ALG14: variants seen among roughly 807,000 people sequenced by gnomAD.
The protein encoded by ALG14 is UDP-N-acetylglucosamine transferase subunit ALG14.
In ALG14, 17 loss-of-function variants were observed where a neutral mutation model predicts 22.8. The observed-to-expected ratio is 0.75, with a 90% CI of 0.51 to 1.12. ALG14 has a LOEUF of 1.12. Ranked by LOEUF, ALG14 falls within the 50% of genes most tolerant of loss-of-function variation. ALG14 has a pLI of 0.00. For synonymous variants in ALG14, 89 were observed against 103.7 expected, an observed-to-expected ratio of 0.86 and a Z score of 0.86; for missense variants, 288 against 271.8, an observed-to-expected ratio of 1.06 and a Z score of -0.42.
At position 95,039,780 on chromosome 1, in the gene ALG14, C is replaced by A. The variant is rs1421034954; in HGVS notation, c.289-12520G>T. ...ACTGGGAATCTAGGAAGATAATATTCAGGAATCTGGATGCTGGACTGATGC... is the reference window on the plus strand; with the variant it reads ...ACTGGGAATCTAGGAAGATAATATTAAGGAATCTGGATGCTGGACTGATGC... On this transcript the variant is annotated intron_variant, in intron 2 of 3. Coordinates refer to ENST00000370205, the MANE Select transcript of ALG14 (RefSeq NM_144988.4). Among the ~76,000 whole-genome samples the A allele has an allele frequency of 6.6e-5, 10 of 152,148 alleles. No homozygotes were observed. The South Asian group carries it at 1.7e-3, about 25-fold the overall frequency.
At chr1:95,067,881 C>G (rs1211269245) in intron 1 of ALG14, among the ~76,000 whole-genome samples, 1 of 152,186 alleles carries the variant, frequency 6.6e-6, no homozygotes, top group African/African-American at 2.4e-5. Flanking sequence ...ACTATGTTCC[C>G]TCTTGGAGCT....
intron 1 of ALG14, among the ~76,000 whole-genome samples, chr1:95,068,766 C>T (rs1675463063): frequency 6.6e-6 from 1 of 152,160 alleles, no homozygotes; most frequent in African/African-American, 2.4e-5. Flanking sequence ...CCTTCCTACC[C>T]TCAATAATCT....
intron 3 of ALG14, among the ~76,000 whole-genome samples, chr1:95,013,928 T>TCA (rs1673436801): frequency 9.6e-6 from 1 of 104,448 alleles, no homozygotes; most frequent in African/African-American, 5.2e-5. Flanking sequence ...CACTTTTTTC[T>TCA]TAAAAAAAAA....
intron 3 of ALG14, among the ~76,000 whole-genome samples, chr1:94,998,827 G>C (rs1371389415): frequency 6.6e-6 from 1 of 152,166 alleles, no homozygotes. Context: ...TAGTGGTACT[G>C]GCATTTTACC....
At chr1:94,993,546 T>C (rs916553770) in intron 3 of ALG14, among the ~76,000 whole-genome samples, 1 of 151,844 alleles carries the variant, frequency 6.6e-6, no homozygotes, top group African/African-American at 2.4e-5. Flanking sequence ...CCACCAACGG[T>C]GGATGCCTAA....
In ALG14 at chr1:94,979,023, C is replaced by T. The variant is rs1672448185; in HGVS notation, c.*4053G>A. The T allele has an allele frequency of 6.6e-6, 1 of 151,908 alleles. No individual in the cohort carries two copies. The highest frequency in any genetic ancestry group is 2.4e-5 in the African/African-American group (1 of 41,360). 9.4% of individuals were successfully genotyped at this position (151,908 alleles called of 1,614,324 possible). A position where few individuals can be genotyped will look rare whatever the true frequency, so the allele number is the denominator to read the frequency against. ...ACAAGGGCCGGACGTGTGGCTTACACCTGTAATTCCAGCACTTTGGGAGGC... is the reference window on the plus strand; with the variant it reads ...ACAAGGGCCGGACGTGTGGCTTACATCTGTAATTCCAGCACTTTGGGAGGC... On this transcript the variant is annotated 3_prime_UTR_variant, in exon 4 of 4. Coordinates refer to ENST00000370205, the MANE Select transcript of ALG14 (RefSeq NM_144988.4).
At chr1:95,001,606 G>A (rs995975150) in intron 3 of ALG14, among the ~76,000 whole-genome samples, 7 of 152,034 alleles carry the variant, frequency 4.6e-5, no homozygotes, top group Admixed American at 2.0e-4. Context: ...AGCAATTCTC[G>A]TGTCTCAGCC....
intron 3 of ALG14, among the ~76,000 whole-genome samples, chr1:94,986,350 A>G (rs941341870): frequency 1.3e-5 from 2 of 152,256 alleles, no homozygotes; most frequent in African/African-American, 4.8e-5. Context: ...GAAAGGAAGA[A>G]GCAAGGGAGT....
chr1:95,013,880 C>T (rs1673435732), intron 3 of ALG14, among the ~76,000 whole-genome samples: 1 of 150,974 alleles, frequency 6.6e-6, no homozygotes, highest in African/African-American at 2.4e-5. Flanking sequence ...TATTTTTAGT[C>T]ATGGGTTATT....
chr1:95,033,693 C>T (rs1483594603), intron 2 of ALG14, among the ~76,000 whole-genome samples: 14 of 152,028 alleles, frequency 9.2e-5, no homozygotes, highest in Admixed American at 9.2e-4. Flanking sequence ...AGGCTGCCCC[C>T]ATGTTTCCTT....
chr1:95,011,575 G>C (rs772869969), intron 3 of ALG14, among the ~76,000 whole-genome samples: 2 of 151,908 alleles, frequency 1.3e-5, no homozygotes, highest in Non-Finnish European at 2.9e-5. Flanking sequence ...ACAGGCGCCC[G>C]CCACAGCACC....
intron 3 of ALG14, among the ~76,000 whole-genome samples, chr1:95,019,030 TCA>T (rs1673583121): frequency 6.6e-6 from 1 of 152,248 alleles, no homozygotes; most frequent in Non-Finnish European, 1.5e-5. Flanking sequence ...AAACCTGTTT[TCA>T]CAAACTGTCA....
intron 2 of ALG14, among the ~76,000 whole-genome samples, chr1:95,062,870 G>C (rs138277200): frequency 6.6e-6 from 1 of 152,152 alleles, no homozygotes; most frequent in African/African-American, 2.4e-5. Flanking sequence ...CTGAGGAATC[G>C]CCACACTATC....
intron 3 of ALG14, among the ~76,000 whole-genome samples, chr1:95,008,703 T>C (rs1295646758): frequency 6.6e-6 from 1 of 152,182 alleles, no homozygotes; most frequent in Admixed American, 6.6e-5. Context: ...TTAACCACTT[T>C]CTACATGTAC....
At chr1:95,000,554 A>AAG (rs1411848829) in intron 3 of ALG14, among the ~76,000 whole-genome samples, 1 of 150,336 alleles carries the variant, frequency 6.7e-6, no homozygotes, top group African/African-American at 2.5e-5. Context: ...AAAAAAAAAA[A>AAG]AAAAAGAAAT....
At chr1:95,029,166 T>A (rs1394856856) in intron 2 of ALG14, among the ~76,000 whole-genome samples, 9 of 151,684 alleles carry the variant, frequency 5.9e-5, no homozygotes, top group African/African-American at 2.2e-4. Flanking sequence ...CATCTGAAGG[T>A]TTGACTGGGG....
At chr1:95,061,537 G>A (rs1010743661) in intron 2 of ALG14, 2 of 152,112 alleles carry the variant, frequency 1.3e-5, no homozygotes, top group Non-Finnish European at 2.9e-5. Flanking sequence ...CAAAGGGAGT[G>A]GGGTAGGGTT....
intron 2 of ALG14, among the ~76,000 whole-genome samples, chr1:95,040,496 T>C (rs1338357236): frequency 6.6e-6 from 1 of 152,198 alleles, no homozygotes; most frequent in Non-Finnish European, 1.5e-5. Context: ...AGTCACAGCC[T>C]GGCCACATGC....
chr1:95,005,848 T>C (rs1373928546), intron 3 of ALG14, among the ~76,000 whole-genome samples: 2 of 152,184 alleles, frequency 1.3e-5, no homozygotes, highest in Non-Finnish European at 2.9e-5. Context: ...TCTGCAATAC[T>C]TGGGACTGTC....
Sources: gnomAD v4.1 joint callset for allele counts (sites outside exome capture counted in the v4.1 genomes callset) on GRCh38, gnomAD v4.1.1 for gene constraint, MANE v1.5 for transcripts, NCBI Gene and HGNC (gene_info 2026-07-23, HGNC 2026-07-21) for gene names.